CCDC187: variants seen among roughly 807,000 people sequenced by gnomAD.
CCDC187 encodes the protein coiled-coil domain-containing protein 187.
A neutral mutation model predicts 38.0 loss-of-function variants in CCDC187; 32 were observed. The ratio of observed to expected loss-of-function variants is 0.84; its 90% CI spans 0.64 to 1.13. The LOEUF is 1.13. Among genes scored for constraint, CCDC187 ranks in the 50% most tolerant of loss-of-function variants. The pLI is 0.00. For missense variants in CCDC187, 707 were observed against 786.8 expected, an observed-to-expected ratio of 0.90 and a Z score of 1.21; for synonymous variants, 333 against 347.9, an observed-to-expected ratio of 0.96 and a Z score of 0.48.
chr9:136,298,063 C>A (rs1831579638), intron 3 of CCDC187, among the ~76,000 whole-genome samples: 3 of 152,230 alleles, frequency 2.0e-5, no homozygotes, highest in African/African-American at 7.2e-5. Flanking sequence ...GGGACTCCTC[C>A]TTAGAGAGGC....
At position 136,256,300 on chromosome 9, in the gene CCDC187, G is replaced by C. The variant is rs1016511362; in HGVS notation, c.4527C>G (p.Ser1509Arg). ...CCAGCCCCGATTCCAAGCCCTCTTC[G>C]CTCATGCTGTCCTCAGCCACCTGCT... The part of the protein sequence containing the change: ...EASQVAEDSM[S>R]EEGLESGLDF... Residue 1509 changes from serine (S) to arginine (R), a missense_variant, in exon 24 of 26, where the codon AGC (serine) becomes AGG (arginine). By Grantham distance (110) the Ser-to-Arg change is moderately radical. Transcript: ENST00000638797. The C allele has an allele frequency of 4.1e-6, 4 of 985,402 alleles. No individual in the cohort carries two copies. The highest frequency in any genetic ancestry group is 4.8e-6 in the Non-Finnish European group (4 of 829,998). The allele number at this position is 985,402 out of a possible 1,614,324, so 61.0% of individuals were successfully genotyped here. A position where few individuals can be genotyped will look rare whatever the true frequency, so the allele number is the denominator to read the frequency against.
chr9:136,255,330 A>G (rs542536906), intron 25 of CCDC187, among the ~76,000 whole-genome samples, 196 bp from the exon 26 acceptor site: 3 of 152,164 alleles, frequency 2.0e-5, no homozygotes, highest in African/African-American at 7.2e-5. Flanking sequence ...CCCACACGCA[A>G]TGAGTCATGT....
chr9:136,300,160 C>T (rs1426342177), intron 3 of CCDC187, 60 bp downstream of exon 3: 10 of 398,036 alleles, frequency 2.5e-5, no homozygotes, highest in South Asian at 1.3e-4. Flanking sequence ...ATGTGCTGCC[C>T]CCATCATGGC....
At chr9:136,284,039 G>A (rs1204779818) in intron 9 of CCDC187, among the ~76,000 whole-genome samples, 3 of 152,174 alleles carry the variant, frequency 2.0e-5, no homozygotes, top group Middle Eastern at 3.2e-3. Context: ...GGCAAAGGGG[G>A]CTTCAGGAGA....
chr9:136,301,523 G>C, intron 2 of CCDC187, among the ~76,000 whole-genome samples: 1 of 151,962 alleles, frequency 6.6e-6, no homozygotes, highest in Non-Finnish European at 1.5e-5. Flanking sequence ...AATGTGCTCA[G>C]TGACATGGAA....
intron 14 of CCDC187, among the ~76,000 whole-genome samples, chr9:136,268,622 G>C (rs1830788290): frequency 6.6e-6 from 1 of 152,126 alleles, no homozygotes; most frequent in East Asian, 1.9e-4. Flanking sequence ...TCCCACCAAA[G>C]ACAGAGCAAA....
chr9:136,262,310 C>A lies in CCDC187; in HGVS notation c.4064+1G>T. On this transcript the variant is annotated splice_donor_variant, in intron 19 of 25. Transcript: ENST00000638797. LOFTEE classifies it high-confidence loss of function. The stretch of plus-strand genomic sequence containing the variant: ...CGACCCCCTAAGACCAACCAACTCA[C>A]CGCGTGGCCTTTGAGCTTGCGGGGC... The A allele has an allele frequency of 1.0e-6, 1 of 986,364 alleles. No homozygotes were observed. Among genetic ancestry groups the A allele is most frequent in the South Asian group, 4.7e-5 (1 of 21,312 alleles). The allele number at this position is 986,364 out of a possible 1,614,324, so 61.1% of individuals were successfully genotyped here.
At chr9:136,281,415 G>A (rs1431635026) in intron 10 of CCDC187, 136 bp downstream of exon 10, 3 of 398,428 alleles carry the variant, frequency 7.5e-6, no homozygotes, top group Non-Finnish European at 1.3e-5. Flanking sequence ...ACGAGGCGTG[G>A]ATGCTCTCCA....
At chr9:136,298,684 G>C (rs1054377710) in intron 3 of CCDC187, among the ~76,000 whole-genome samples, 7 of 152,248 alleles carry the variant, frequency 4.6e-5, no homozygotes, top group African/African-American at 1.2e-4. Context: ...GGAGCCTCAA[G>C]AGCCAGGTCC....
At position 136,250,383 on chromosome 9, in the gene CCDC187, C is replaced by G. The variant is rs1050057353; in HGVS notation, c.*3211G>C. 3.6e-6 allele frequency: 1 copy of G among 278,136 alleles called. No homozygotes were observed. The highest frequency in any genetic ancestry group is 7.0e-6 in the Non-Finnish European group (1 of 142,130). The allele number at this position is 278,136 out of a possible 1,614,324, so 17.2% of individuals were successfully genotyped here. ...GCAGCCGCCACCGCATTGCGCCGCA[C>G]GTCAGCACCAACCACGTGGCAGCGA... On this transcript the variant is annotated 3_prime_UTR_variant, in exon 26 of 26. Transcript: ENST00000638797.
upstream of CCDC187, chr9:136,304,165 G>A (rs1831761810): frequency 6.6e-6 from 1 of 152,274 alleles, no homozygotes; most frequent in Admixed American, 6.5e-5. Context: ...TTGTCACTCA[G>A]CGACAGAGCC....
In CCDC187 at chr9:136,255,010, C is replaced by T. The variant is rs1054632222; in HGVS notation, c.4818G>A (p.Ser1606=). 22 of 985,336 alleles carry T rather than the reference C, an allele frequency of 2.2e-5. No individual in the cohort carries two copies. The highest frequency in any genetic ancestry group is 1.1e-4 in the East Asian group (1 of 8,820). 61.0% of individuals were successfully genotyped at this position (985,336 alleles called of 1,614,324 possible). Residue 1606 remains serine (S), a synonymous_variant, in exon 26 of 26, where the codon TCG becomes TCA. Coordinates refer to ENST00000638797, the MANE Select transcript of CCDC187 (RefSeq NM_001378188.1). ...ESASGTCWGP[S]EEATVSSHTS... is the part of the protein sequence containing the mutation. ...TGTGGGATGACACCGTGGCTTCTTC[C>T]GAAGGCCCCCAGCAGGTTCCAGAAG...
Position 136,251,328 on chromosome 9 carries a change from G to A in CCDC187, c.*2266C>T, listed in dbSNP as rs1554759373. On this transcript the variant is annotated 3_prime_UTR_variant, in exon 26 of 26. Transcript: ENST00000638797. ...AGCAAGTCCTGAGCATGCTCCAGAA[G>A]AGACCTTGGGCCACTGATCCCCAGA... The A allele has an allele frequency of 6.6e-6, 2 of 301,868 alleles. No individual in the cohort carries two copies. The allele number at this position is 301,868 out of a possible 1,614,324, so 18.7% of individuals were successfully genotyped here.
intron 2 of CCDC187, 27 bp downstream of exon 2, chr9:136,302,785 C>T (rs1042950102): frequency 1.3e-5 from 5 of 399,082 alleles, no homozygotes; most frequent in East Asian, 7.1e-5. Flanking sequence ...AGCCCTCCTG[C>T]CCCTCTCTGG....
rs1048687130 is a variant in CCDC187, at chr9:136,254,649, C to A, written c.5179G>T (p.Val1727Phe). Residue 1727 changes from valine to phenylalanine, a missense_variant, in exon 26 of 26, where the codon GTT becomes TTT. Coordinates refer to ENST00000638797, the MANE Select transcript of CCDC187 (RefSeq NM_001378188.1). Reference protein sequence around the residue: ...GSSLDTAMAEVSAPEQSPKAG... With the variant: ...GSSLDTAMAEFSAPEQSPKAG... ...TTTGGGCTTTGCTCCGGCGCTGAAA[C>A]TTCTGCCATGGCCGTGTCCAAGGAG... is the stretch of plus-strand genomic sequence containing the variant. The A allele has an allele frequency of 1.0e-6, 1 of 985,470 alleles. No individual in the cohort carries two copies. Among genetic ancestry groups the A allele is most frequent in the Admixed American group, 6.1e-5 (1 of 16,278 alleles). The allele number at this position is 985,470 out of a possible 1,614,324, so 61.0% of individuals were successfully genotyped here.
chr9:136,255,749 T>G lies in CCDC187; in HGVS notation c.4617-16A>C, dbSNP rs1481537688. ...GGCCTCCGTCCTGCAAGCACATTCG[T>G]GGAGAACCCTGTGGGGATCCTGGTC... On this transcript the variant is annotated splice_polypyrimidine_tract_variant and intron_variant, in intron 24 of 25. Transcript: ENST00000638797. 1 of 983,970 alleles carries G rather than the reference T, an allele frequency of 1.0e-6. No individual in the cohort carries two copies. Among genetic ancestry groups the G allele is most frequent in the Non-Finnish European group, 1.2e-6 (1 of 828,692 alleles). The allele number at this position is 983,970 out of a possible 1,614,324, so 61.0% of individuals were successfully genotyped here.
chr9:136,285,437 AGG>A, intron 9 of CCDC187, 74 bp downstream of exon 9: 1 of 31,254 alleles, frequency 3.2e-5, no homozygotes, highest in Non-Finnish European at 6.8e-5. Context: ...GCAGGTGGGC[AGG>A]TGGGCAGGTG....
At position 136,290,552 on chromosome 9, in the gene CCDC187, C is replaced by T. The variant is rs907289896; in HGVS notation, c.2061G>A (p.Ala687=). The T allele has an allele frequency of 1.0e-5, 4 of 398,892 alleles. No homozygotes were observed. Among genetic ancestry groups the T allele is most frequent in the African/African-American group, 2.1e-5 (1 of 48,644 alleles). The allele number at this position is 398,892 out of a possible 1,614,324, so 24.7% of individuals were successfully genotyped here. The part of the protein sequence containing the change: ...RQQREAVLGR[A]VPVVSRTTPG... ...GGGTGGTCCGGGAGACCACGGGGAC[C>T]GCCCTGCCGAGGACGGCCTCCCTCT... Residue 687 remains alanine (A), a synonymous_variant, in exon 6 of 26, where the codon GCG becomes GCA. Transcript: ENST00000638797.
Position 136,255,711 on chromosome 9 carries a change from C to A in CCDC187, c.4639G>T (p.Val1547Phe), listed in dbSNP as rs1036164126. 2 of 985,334 alleles carry A rather than the reference C, an allele frequency of 2.0e-6. No individual in the cohort carries two copies. Among genetic ancestry groups the A allele is most frequent in the Admixed American group, 6.1e-5 (1 of 16,270 alleles). The allele number at this position is 985,334 out of a possible 1,614,324, so 61.0% of individuals were successfully genotyped here. ...EQRTEACQQEVPGISSTWLEA... is the reference protein window; with the variant it reads ...EQRTEACQQEFPGISSTWLEA... ...AGCCAGGTGGAGGAGATGCCGGGGA[C>A]CTCCTGCTGACAGGCCTCCGTCCTG... The change falls in exon 25 of 26, where the codon GTC becomes TTC. Residue 1547 changes from valine (V) to phenylalanine (F), a missense_variant. By Grantham distance (50) the Val-to-Phe change is conservative. Coordinates refer to ENST00000638797, the MANE Select transcript of CCDC187 (RefSeq NM_001378188.1).
Sources: gnomAD v4.1 joint callset for allele counts (sites outside exome capture counted in the v4.1 genomes callset) on GRCh38, gnomAD v4.1.1 for gene constraint, MANE v1.5 for transcripts, NCBI Gene and HGNC (gene_info 2026-07-23, HGNC 2026-07-21) for gene names.